Variants in GFAP observed in about 807,000 individuals in gnomAD.
The protein encoded by GFAP is glial fibrillary acidic protein, also known as intermediate filament protein.
A neutral mutation model predicts 49.3 loss-of-function variants in GFAP; 38 were observed. That is an observed-to-expected ratio of 0.77 (90% CI 0.60 to 1.01). The LOEUF (loss-of-function observed/expected upper bound fraction) is 1.01, where lower values mean the gene tolerates loss of function less well. Among genes scored for constraint, GFAP ranks in the 50% least tolerant of loss-of-function variants. The pLI is 0.00. For missense variants in GFAP, 463 were observed against 579.1 expected (o/e 0.80, Z 2.06); for synonymous variants, 222 against 236.4 (o/e 0.94, Z 0.56).
At chr17:44,907,685 T>G in intron 8 of GFAP, 1 of 564,608 alleles carries the variant, frequency 1.8e-6, no homozygotes, top group South Asian at 2.0e-5. Context: ...CCTGGTAGTT[T>G]CCTTTTACCA....
intron 4 of GFAP, chr17:44,912,702 C>T (rs2051803392): frequency 6.0e-6 from 1 of 167,576 alleles, no homozygotes; most frequent in African/African-American, 2.4e-5. Flanking sequence ...TTCCTGGCTC[C>T]CACACTACAT....
In GFAP at chr17:44,905,494, C is replaced by G; in HGVS notation, c.*1853G>C. ...AGTGGAGGGAGCTGGTGTATGTCCT[C>G]TTTGGCTGCGGGTGGAATTTGGTGA... On this transcript the variant is annotated 3_prime_UTR_variant, in exon 9 of 9. Coordinates refer to ENST00000588735, the MANE Select transcript of GFAP (RefSeq NM_002055.5). The G allele has an allele frequency of 5.4e-6, 1 of 185,106 alleles. No homozygotes were observed. The highest frequency in any genetic ancestry group is 1.3e-4 in the South Asian group (1 of 7,998). The allele number at this position is 185,106 out of a possible 1,614,324, so 11.5% of individuals were successfully genotyped here.
intron 8 of GFAP, 37 bp downstream of exon 8, chr17:44,908,027 C>T (rs755662745): frequency 1.4e-6 from 2 of 1,440,130 alleles, no homozygotes; most frequent in South Asian, 2.3e-5. Flanking sequence ...ATCCCTGGGG[C>T]CAGCCAGAGC....
Position 44,913,284 on chromosome 17 carries a change from C to T in GFAP, c.765G>A (p.Glu255=). Residue 255 remains glutamate, a synonymous_variant, in exon 4 of 9, where the codon GAG becomes GAA. Coordinates refer to ENST00000588735, the MANE Select transcript of GFAP (RefSeq NM_002055.5). The part of the protein sequence containing the change: ...MASSNMHEAE[E]WYRSKFADLT... ...GCAGGGCTACCTTGGAGCGGTACCACTCTTCGGCTTCATGCATGTTGCTGG... is the reference window on the plus strand; with the variant it reads ...GCAGGGCTACCTTGGAGCGGTACCATTCTTCGGCTTCATGCATGTTGCTGG... 2 of 1,614,188 alleles carry T rather than the reference C, an allele frequency of 1.2e-6. No homozygotes were observed. Among genetic ancestry groups the T allele is most frequent in the Non-Finnish European group, 1.7e-6 (2 of 1,180,028 alleles).
At chr17:44,914,899 C>T (rs2051870147) in intron 1 of GFAP, 127 bp downstream of exon 1, 1 of 778,014 alleles carries the variant, frequency 1.3e-6, no homozygotes, top group Non-Finnish European at 2.1e-6. Context: ...GGATAGTGCC[C>T]CATCAAGAGG....
chr17:44,911,932 A>T, intron 4 of GFAP, 135 bp from the exon 5 acceptor site: 1 of 974,698 alleles, frequency 1.0e-6, no homozygotes, highest in African/African-American at 1.6e-5. Context: ...AACAACTGTG[A>T]CCCATGGATG....
In GFAP at chr17:44,903,814, C is replaced by T; in HGVS notation, c.*3533G>A. 12 of 1,544,986 alleles carry T rather than the reference C, an allele frequency of 7.8e-6. No homozygotes were observed. The highest frequency in any genetic ancestry group is 1.0e-5 in the Non-Finnish European group (12 of 1,143,636). On this transcript the variant is annotated 3_prime_UTR_variant, in exon 9 of 9. Transcript: ENST00000588735. Reference sequence around the variant, plus strand: ...CTGGTTTTGCCCTGCCCCTCTGACCCCTGCCTCCTTCAGGTATGCACCTGG... The same window carrying T: ...CTGGTTTTGCCCTGCCCCTCTGACCTCTGCCTCCTTCAGGTATGCACCTGG...
At chr17:44,908,268 C>T (rs367587225) in intron 7 of GFAP, 119 bp from the exon 8 acceptor site, 30 of 727,478 alleles carry the variant, frequency 4.1e-5, no homozygotes, top group Middle Eastern at 2.6e-4. Flanking sequence ...CCTATGCAAC[C>T]GAGCAGAGAG....
intron 8 of GFAP, 151 bp from the exon 9 acceptor site, chr17:44,907,539 A>G: frequency 1.4e-6 from 1 of 707,076 alleles, no homozygotes; most frequent in Non-Finnish European, 2.6e-6. Flanking sequence ...TGCGTGGTGG[A>G]CAGAGGGGGT....
Position 44,915,341 on chromosome 17 carries a change from C to G in GFAP, c.146G>C (p.Arg49Pro). ...TGCCCCAGCCAGGGAGAAATCCACCCGGGTCGGGAGTGGAGGGGGCATTCG... is the reference window on the plus strand; with the variant it reads ...TGCCCCAGCCAGGGAGAAATCCACCGGGGTCGGGAGTGGAGGGGGCATTCG... ...LARMPPPLPT[R>P]VDFSLAGALN... Residue 49 changes from arginine to proline, a missense_variant, in exon 1 of 9, where the codon CGG (arginine) becomes CCG (proline). Physicochemically the swap from Arg to Pro is moderately radical, Grantham distance 103 (BLOSUM62 -2). Coordinates refer to ENST00000588735, the MANE Select transcript of GFAP (RefSeq NM_002055.5). The surrounding 1 kb of genome is among the most constrained non-coding windows in gnomAD (Gnocchi z 4.1). 1 of 1,613,022 alleles carries G rather than the reference C, an allele frequency of 6.2e-7. No individual in the cohort carries two copies. The highest frequency in any genetic ancestry group is 1.3e-5 in the African/African-American group (1 of 75,046).
chr17:44,910,308 G>T, intron 7 of GFAP: 1 of 1,613,844 alleles, frequency 6.2e-7, no homozygotes, highest in South Asian at 1.1e-5. Context: ...ACACTCAGAA[G>T]GGCAGTGCTT....
rs1311636758 is a variant in GFAP, at chr17:44,911,816, TG to T, written c.781-20del. On this transcript the variant is annotated intron_variant, in intron 4 of 8. Coordinates refer to ENST00000588735, the MANE Select transcript of GFAP (RefSeq NM_002055.5). ...CTGCAAACTAGGTGGGGGACACATA[TG>T]GGGGGCTGTGTGGGCCCATGGGCAG... 4 of 1,607,412 alleles carry T rather than the reference TG, an allele frequency of 2.5e-6. No individual in the cohort carries two copies. Among genetic ancestry groups the T allele is most frequent in the Non-Finnish European group, 2.5e-6 (3 of 1,176,714 alleles).
At position 44,907,371 on chromosome 17, in the gene GFAP, C is replaced by T. The variant is rs745328182; in HGVS notation, c.1275G>A (p.Lys425=). 3.7e-6 allele frequency: 6 copies of T among 1,613,558 alleles called. No homozygotes were observed. The highest frequency in any genetic ancestry group is 5.1e-6 in the Non-Finnish European group (6 of 1,179,612). ...CTCACATCACATCCTTGTGCTCCTGCTTGGACTCCTTAATGACCTGCAGGG... is the reference window on the plus strand; with the variant it reads ...CTCACATCACATCCTTGTGCTCCTGTTTGGACTCCTTAATGACCTGCAGGG... ...MRDGEVIKES[K]QEHKDVM Residue 425 remains lysine, a synonymous_variant, in exon 9 of 9, where the codon AAG becomes AAA. Transcript: ENST00000588735.
At position 44,911,407 on chromosome 17, in the gene GFAP, C is replaced by A. The variant is rs748483751; in HGVS notation, c.956G>T (p.Arg319Leu). 2.5e-6 allele frequency: 4 copies of A among 1,613,178 alleles called. No homozygotes were observed. The South Asian group carries it at 4.4e-5, about 18-fold the overall frequency. ...QMREQEERHVREAASYQEALA... is the reference protein window; with the variant it reads ...QMREQEERHVLEAASYQEALA... ...CGCCTCCTGATAACTGGCCGCCTCC[C>A]GCACGTGCCGCTCCTCCTGCTCGCG... Residue 319 changes from arginine to leucine, a missense_variant, in exon 6 of 9, where the codon CGG becomes CTG. Transcript: ENST00000588735.
intron 6 of GFAP, 142 bp from the exon 7 acceptor site, chr17:44,910,800 G>T: frequency 8.0e-7 from 1 of 1,247,770 alleles, no homozygotes; most frequent in Non-Finnish European, 1.1e-6. Flanking sequence ...TTTTTCCCCA[G>T]CAGCCAACGT....
chr17:44,914,376 C>G, intron 1 of GFAP: 1 of 470,246 alleles, frequency 2.1e-6, no homozygotes, highest in Non-Finnish European at 3.8e-6. Context: ...CACACACACA[C>G]ACACACACGC....
chr17:44,915,051 G>T lies in GFAP; in HGVS notation c.436C>A (p.Gln146Lys), dbSNP rs778685295. The T allele has an allele frequency of 6.2e-7, 1 of 1,612,326 alleles. No homozygotes were observed. The highest frequency in any genetic ancestry group is 8.5e-7 in the Non-Finnish European group (1 of 1,179,860). ...RLEVERDNLA[Q>K]DLATVRQKLQ... Reference sequence around the variant, plus strand: ...TTCTGCCTCACAGTGGCCAGGTCCTGTGCCAGATTGTCCCTCTCAACCTCC... The same window carrying T: ...TTCTGCCTCACAGTGGCCAGGTCCTTTGCCAGATTGTCCCTCTCAACCTCC... Residue 146 changes from glutamine (Q) to lysine (K), a missense_variant, in exon 1 of 9, where the codon CAG becomes AAG. Around this residue, in one of 3 missense-constraint regions of GFAP, gnomAD observed 362 missense variants for 445.5 expected, o/e 0.81. Coordinates refer to ENST00000588735, the MANE Select transcript of GFAP (RefSeq NM_002055.5). This position sits in a 1 kb window ranked among gnomAD's most constrained non-coding sequence, Gnocchi z 4.1.
In GFAP at chr17:44,913,827, G is replaced by A; in HGVS notation, c.523-4C>T. The A allele has an allele frequency of 6.2e-7, 1 of 1,610,932 alleles. No individual in the cohort carries two copies. The highest frequency in any genetic ancestry group is 8.5e-7 in the Non-Finnish European group (1 of 1,177,054). The stretch of plus-strand genomic sequence containing the variant: ...CCAGGGTGGCTTCATCTGCTTCCTG[G>A]AGTGGCAGGAGGGGTGAGGAGTAGA... On this transcript the variant is annotated splice_region_variant and splice_polypyrimidine_tract_variant and intron_variant, in intron 2 of 8. Coordinates refer to ENST00000588735, the MANE Select transcript of GFAP (RefSeq NM_002055.5).
In GFAP at chr17:44,911,626, G is replaced by A. The variant is rs1429387360; in HGVS notation, c.906+46C>T. 8 of 1,603,062 alleles carry A rather than the reference G, an allele frequency of 5.0e-6. No homozygotes were observed. In the East Asian group the frequency reaches 1.6e-4, roughly 31 times the overall value. On this transcript the variant is annotated intron_variant, in intron 5 of 8. Transcript: ENST00000588735. ...TTCTCCCCTGGCATCTCCTGGGGTG[G>A]CCGTCCCTGCTCCGCCCGTCCCCGT...
Sources: allele counts gnomAD v4.1 joint callset, GRCh38; gene constraint gnomAD v4.1.1; regional missense constraint gnomAD v4.1.1; non-coding constraint Gnocchi (gnomAD v3.1); transcripts MANE v1.5; gene names NCBI Gene and HGNC (gene_info 2026-07-23, HGNC 2026-07-21).